The following MGAT5 variants were observed in gnomAD, a reference collection of about 807,000 sequenced individuals.
The protein encoded by MGAT5 is alpha-1,6-mannosylglycoprotein 6-beta-N-acetylglucosaminyltransferase, also known as alpha-1,6-mannosylglycoprotein 6-beta-N-acetylglucosaminyltransferase A.
In MGAT5, 30 loss-of-function variants were observed where a neutral mutation model predicts 94.3. That is an observed-to-expected ratio of 0.32 (90% CI 0.24 to 0.43). The LOEUF is 0.43. MGAT5 is among the 20% of genes least tolerant of loss of function. The probability of loss-of-function intolerance (pLI) is 1.00; values close to 1 mark genes in which losing one functional copy is unlikely to be tolerated. For synonymous variants in MGAT5, 310 were observed against 322.9 expected (o/e 0.96, Z 0.43); for missense variants, 691 against 905.5 (o/e 0.76, Z 3.04).
At chr2:134,192,963 A>G (rs1474699158) in intron 1 of MGAT5, among the ~76,000 whole-genome samples, 1 of 152,030 alleles carries the variant, frequency 6.6e-6, no homozygotes, top group South Asian at 2.1e-4. Context: ...GGAATGATGA[A>G]TGATGTTTAA....
chr2:134,347,910 G>C (rs1442758252), intron 8 of MGAT5, among the ~76,000 whole-genome samples: 3 of 152,118 alleles, frequency 2.0e-5, no homozygotes, highest in African/African-American at 7.2e-5. Context: ...TGTAATCTTT[G>C]ACTCACAAAG....
At chr2:134,287,836 C>T (rs1036700608) in intron 2 of MGAT5, among the ~76,000 whole-genome samples, 1 of 152,202 alleles carries the variant, frequency 6.6e-6, no homozygotes, top group African/African-American at 2.4e-5. Flanking sequence ...ACTTGATAGA[C>T]ATTACAAGTT....
At chr2:134,388,157 C>T (rs988242174) in intron 10 of MGAT5, among the ~76,000 whole-genome samples, 1 of 152,188 alleles carries the variant, frequency 6.6e-6, no homozygotes, top group Non-Finnish European at 1.5e-5. Flanking sequence ...AGAAAGTGTT[C>T]TTTCTCTCCA....
chr2:134,141,143 C>G (rs541293774), intron 1 of MGAT5, among the ~76,000 whole-genome samples: 1 of 152,196 alleles, frequency 6.6e-6, no homozygotes, highest in Non-Finnish European at 1.5e-5. Context: ...CAGCCCACTT[C>G]CCTCTCGGTC....
intron 1 of MGAT5, among the ~76,000 whole-genome samples, chr2:134,195,433 C>G (rs1300326924): frequency 6.6e-6 from 1 of 152,126 alleles, no homozygotes; most frequent in Non-Finnish European, 1.5e-5. Flanking sequence ...TTTTTATCTG[C>G]TTAAGTTGGA....
intron 4 of MGAT5, among the ~76,000 whole-genome samples, chr2:134,323,232 T>C (rs1212575424): frequency 5.3e-5 from 8 of 152,166 alleles, no homozygotes. Flanking sequence ...CTGTTTGTTA[T>C]ATGTCTGACG....
chr2:134,205,280 C>A (rs959828142), intron 1 of MGAT5, among the ~76,000 whole-genome samples: 5 of 152,060 alleles, frequency 3.3e-5, no homozygotes, highest in Non-Finnish European at 7.4e-5. Flanking sequence ...TTTAGCCCTG[C>A]GGAGGGTGGG....
chr2:134,314,259 C>T (rs1686869218), intron 2 of MGAT5, among the ~76,000 whole-genome samples: 1 of 152,162 alleles, frequency 6.6e-6, no homozygotes, highest in African/African-American at 2.4e-5. Flanking sequence ...CTATTCATAC[C>T]CATCACTGTG....
At position 134,267,005 on chromosome 2, in the gene MGAT5, G is replaced by A. The variant is rs141392554; in HGVS notation, c.242-3381G>A. 3.7e-4 allele frequency among the ~76,000 whole-genome samples: 56 copies of A among 152,358 alleles called. 1 individual carries two copies. Among genetic ancestry groups the A allele is most frequent in the African/African-American group, 1.3e-3 (53 of 41,570 alleles). On this transcript the variant is annotated intron_variant, in intron 1 of 15. Coordinates refer to ENST00000281923, the MANE Select transcript of MGAT5 (RefSeq NM_002410.5). ...CACTTGATGTATCTGGTAGTCTCCA[G>A]TGTCAGCTGGTGGATGTTTAGTGAT...
rs192276356 is a variant in MGAT5, at chr2:134,376,796, T to G, written c.1380+14388T>G. On this transcript the variant is annotated intron_variant, in intron 10 of 15. Coordinates refer to ENST00000281923, the MANE Select transcript of MGAT5 (RefSeq NM_002410.5). ...TTATATTTTGTGACAGTGTGCTGGC[T>G]TCTGTAGGACCGTGATCCAAGGATA... Among the ~76,000 whole-genome samples the G allele has an allele frequency of 3.3e-3, 506 of 152,310 alleles. 13 individuals are homozygous for G. The highest frequency in any genetic ancestry group is 0.026 in the Admixed American group (405 of 15,300).
chr2:134,120,842 C>T (rs1685540963), intron 1 of MGAT5, among the ~76,000 whole-genome samples: 1 of 151,854 alleles, frequency 6.6e-6, no homozygotes, highest in African/African-American at 2.4e-5. Flanking sequence ...AGGGATGCGG[C>T]GGGCTGGCGC....
intron 2 of MGAT5, among the ~76,000 whole-genome samples, chr2:134,301,889 G>T (rs1438747672): frequency 1.3e-5 from 2 of 152,182 alleles, no homozygotes; most frequent in Non-Finnish European, 2.9e-5. Context: ...TCCTGCACAA[G>T]CTGGGACCCT....
At chr2:134,252,465 G>C (rs1462644335), upstream of MGAT5, among the ~76,000 whole-genome samples, 1 of 152,196 alleles carries the variant, frequency 6.6e-6, no homozygotes, top group African/African-American at 2.4e-5. Flanking sequence ...CTGGAATCAG[G>C]CTGCCTGGTC....
chr2:134,392,029 G>C (rs910003629), intron 10 of MGAT5, among the ~76,000 whole-genome samples: 1 of 152,142 alleles, frequency 6.6e-6, no homozygotes, highest in East Asian at 1.9e-4. Flanking sequence ...AGGGTGTGTC[G>C]TGTTGGCATT....
chr2:134,384,702 T>C (rs1681861631), intron 10 of MGAT5, among the ~76,000 whole-genome samples: 2 of 152,186 alleles, frequency 1.3e-5, no homozygotes, highest in Admixed American at 1.3e-4. Flanking sequence ...TCTTGAAAAC[T>C]ACAGATTCAA....
intron 1 of MGAT5, among the ~76,000 whole-genome samples, chr2:134,205,350 G>A (rs1281308592): frequency 6.6e-6 from 1 of 152,146 alleles, no homozygotes; most frequent in African/African-American, 2.4e-5. Flanking sequence ...TGGGAGGTGA[G>A]GGTAGCTTGG....
intron 10 of MGAT5, among the ~76,000 whole-genome samples, chr2:134,394,987 T>C (rs1682625641): frequency 1.3e-5 from 2 of 152,242 alleles, no homozygotes; most frequent in South Asian, 4.1e-4. Context: ...AACAGTCTGT[T>C]TTCTGTGGTT....
intron 10 of MGAT5, among the ~76,000 whole-genome samples, chr2:134,386,184 C>A (rs757642621): frequency 1.3e-5 from 2 of 152,054 alleles, no homozygotes; most frequent in African/African-American, 2.4e-5. Context: ...ACTTAAGCAT[C>A]AGGATGAGAA....
intron 1 of MGAT5, among the ~76,000 whole-genome samples, chr2:134,122,606 AGGAGAAGGAAGTTGCTCTGTCT>A (rs1455312133): frequency 2.6e-5 from 4 of 152,200 alleles, no homozygotes; most frequent in Non-Finnish European, 4.4e-5. Flanking sequence ...CTGGGAGAAG[AGGAGAAGGAAGTTGCTCTGTCT>A]GGCATTTGCC....
Sources: allele counts gnomAD v4.1 joint callset (sites outside exome capture counted in the v4.1 genomes callset), GRCh38; gene constraint gnomAD v4.1.1; transcripts MANE v1.5; gene names NCBI Gene and HGNC (gene_info 2026-07-23, HGNC 2026-07-21).